The following ASS1 variants were observed in gnomAD, a reference collection of about 807,000 sequenced individuals.
ASS1 encodes argininosuccinate synthase 1, also known as argininosuccinate synthase.
ASS1 carries 58 observed loss-of-function variants against 60.5 expected under a neutral mutation model. The observed-to-expected ratio is 0.96, with a 90% confidence interval of 0.78 to 1.19. ASS1 has a LOEUF of 1.19. Among genes scored for constraint, ASS1 ranks in the 50% most tolerant of loss-of-function variants. The pLI, the probability that ASS1 is intolerant of heterozygous loss-of-function variation, is 0.00. For missense variants in ASS1, 454 were observed against 547.3 expected (o/e 0.83, Z 1.70); for synonymous variants, 200 against 206.9 (o/e 0.97, Z 0.29).
chr9:130,448,835 A>C (rs1383949636), intron 1 of ASS1, among the ~76,000 whole-genome samples: 1 of 152,100 alleles, frequency 6.6e-6, no homozygotes, highest in African/African-American at 2.4e-5. Context: ...AAGTGCTGGG[A>C]TTACAGGCAT....
At position 130,445,458 on chromosome 9, in the gene ASS1, G is replaced by A. The variant is rs545306911; in HGVS notation, c.-6+463G>A. On this transcript the variant is annotated intron_variant, in intron 1 of 14. Coordinates refer to ENST00000352480, the MANE Select transcript of ASS1 (RefSeq NM_054012.4). ...ACCTCTATTTCTCTGCGTAAAACCA[G>A]GAGTCCAGCCCCTCTGGGGCTTGGA... Among the ~76,000 whole-genome samples, 98 of 152,324 alleles carry A rather than the reference G, an allele frequency of 6.4e-4. 1 individual carries two copies. Among genetic ancestry groups the A allele is most frequent in the African/African-American group, 2.2e-3 (90 of 41,596 alleles).
rs1295409841 is a variant in ASS1 at position 130,476,737 on chromosome 9, G to T, written c.598-134G>T. ...GGTGCTAGGCTGAGGGCTGGGGACCGGGGGATCTGCCGGACCCCACCAGCT... is the reference window on the plus strand; with the variant it reads ...GGTGCTAGGCTGAGGGCTGGGGACCTGGGGATCTGCCGGACCCCACCAGCT... On this transcript the variant is annotated intron_variant, in intron 8 of 14. Coordinates refer to ENST00000352480, the MANE Select transcript of ASS1 (RefSeq NM_054012.4). This position sits in a 1 kb window ranked among gnomAD's most constrained non-coding sequence, Gnocchi z 4.9. 2.3e-6 allele frequency: 2 copies of T among 858,788 alleles called. No individual in the cohort carries two copies. Among genetic ancestry groups the T allele is most frequent in the Non-Finnish European group, 4.0e-6 (2 of 501,068 alleles). 53.2% of individuals were successfully genotyped at this position (858,788 alleles called of 1,614,324 possible). A position where few individuals can be genotyped will look rare whatever the true frequency, so the allele number is the denominator to read the frequency against.
At chr9:130,482,290 A>C (rs1215552386) in intron 11 of ASS1, among the ~76,000 whole-genome samples, 2 of 151,854 alleles carry the variant, frequency 1.3e-5, no homozygotes, top group African/African-American at 4.8e-5. Flanking sequence ...ATGGGGACAG[A>C]AGCAGCCCCC....
intron 1 of ASS1, chr9:130,452,009 G>C (rs150904366): frequency 1.5e-6 from 1 of 677,838 alleles, no homozygotes; most frequent in Admixed American, 2.0e-5. Context: ...CCAGGCCCCA[G>C]TGTGGTCTGT....
chr9:130,454,253 A>G, intron 2 of ASS1, 52 bp from the exon 3 acceptor site: 1 of 1,575,776 alleles, frequency 6.3e-7, no homozygotes, highest in Non-Finnish European at 8.7e-7. Context: ...GATGGTGTGA[A>G]CTCAGGGCTC....
intron 13 of ASS1, among the ~76,000 whole-genome samples, chr9:130,495,472 T>TACACAC (rs71499245): frequency 0.14 from 20,461 of 146,488 alleles, 1,674 homozygotes; most frequent in East Asian, 0.37. Flanking sequence ...CACATACATA[T>TACACAC]ACACACACAC....
Position 130,491,150 on chromosome 9 carries a change from C to T in ASS1, c.970+1686C>T, listed in dbSNP as rs1213875566. ...GGCGTTATTTCTCCCTGCCATTGTT[C>T]CTTGCAGCTTTGAAGCCAAGTTTCT... is the stretch of plus-strand genomic sequence containing the variant. On this transcript the variant is annotated intron_variant, in intron 12 of 14. Coordinates refer to ENST00000352480, the MANE Select transcript of ASS1 (RefSeq NM_054012.4). The surrounding 1 kb of genome is among the most constrained non-coding windows in gnomAD (Gnocchi z 5.3). 6.6e-6 allele frequency among the ~76,000 whole-genome samples: 1 copy of T among 152,198 alleles called. No individual in the cohort carries two copies. The highest frequency in any genetic ancestry group is 2.4e-5 in the African/African-American group (1 of 41,436).
At chr9:130,475,909 G>A (rs1384815910) in intron 8 of ASS1, among the ~76,000 whole-genome samples, 1 of 151,934 alleles carries the variant, frequency 6.6e-6, no homozygotes, top group Non-Finnish European at 1.5e-5. Context: ...GGCGCATGCC[G>A]CCATACCCGG....
intron 11 of ASS1, among the ~76,000 whole-genome samples, chr9:130,483,231 T>C (rs917661289): frequency 6.6e-6 from 1 of 151,986 alleles, no homozygotes; most frequent in Non-Finnish European, 1.5e-5. Flanking sequence ...GTCAATTATA[T>C]TGAGGGCAGA....
At chr9:130,451,333 C>T (rs1304690187) in intron 1 of ASS1, among the ~76,000 whole-genome samples, 1 of 152,186 alleles carries the variant, frequency 6.6e-6, no homozygotes, top group East Asian at 1.9e-4. Context: ...CCCATCTGTC[C>T]CCCCGGGAAG....
chr9:130,478,427 G>A lies in ASS1; in HGVS notation c.689-1289G>A, dbSNP rs919429547. ...GCACCAGGCTCTGGCAGCCCTGCCC[G>A]AGGACCAGGGCAGCTCCGCAGGCTG... On this transcript the variant is annotated intron_variant, in intron 9 of 14. Transcript: ENST00000352480. The surrounding 1 kb of genome is among the most constrained non-coding windows in gnomAD (Gnocchi z 4.7). Among the ~76,000 whole-genome samples, 12 of 152,282 alleles carry A rather than the reference G, an allele frequency of 7.9e-5. No individual in the cohort carries two copies. Among genetic ancestry groups the A allele is most frequent in the Admixed American group, 1.3e-4 (2 of 15,306 alleles).
intron 5 of ASS1, among the ~76,000 whole-genome samples, chr9:130,466,109 C>G (rs559978372): frequency 2.6e-5 from 4 of 152,206 alleles, no homozygotes; most frequent in Non-Finnish European, 4.4e-5. Context: ...TCTCCACCCC[C>G]ACACACACAT....
chr9:130,484,651 C>T (rs1300252855), intron 11 of ASS1, among the ~76,000 whole-genome samples: 2 of 152,100 alleles, frequency 1.3e-5, no homozygotes, highest in Admixed American at 1.3e-4. Context: ...TCTCTCTGCG[C>T]AGTGGTTTGT....
chr9:130,459,261 C>T lies in ASS1; in HGVS notation c.363+672C>T, dbSNP rs563609657. Among the ~76,000 whole-genome samples, 52 of 152,242 alleles carry T rather than the reference C, an allele frequency of 3.4e-4. 1 individual carries two copies. Among genetic ancestry groups the T allele is most frequent in the Admixed American group, 2.9e-3 (44 of 15,296 alleles). On this transcript the variant is annotated intron_variant, in intron 4 of 14. Transcript: ENST00000352480. This position sits in a 1 kb window ranked among gnomAD's most constrained non-coding sequence, Gnocchi z 4.6. ...TCCAGTGGCCTCTGGTGTCCCTTAG[C>T]GTGTGGCTGCGTCACTCCTGTCCTT...
intron 4 of ASS1, among the ~76,000 whole-genome samples, chr9:130,460,792 G>A (rs1410737961): frequency 6.6e-6 from 1 of 152,166 alleles, no homozygotes; most frequent in East Asian, 1.9e-4. Flanking sequence ...CTACCCCAGC[G>A]AGATGCTGGG....
At chr9:130,486,699 C>T (rs904307665) in intron 11 of ASS1, among the ~76,000 whole-genome samples, 6 of 152,154 alleles carry the variant, frequency 3.9e-5, no homozygotes, top group African/African-American at 1.2e-4. Context: ...ACCAATGAAG[C>T]GGGATGGGCT....
intron 11 of ASS1, among the ~76,000 whole-genome samples, chr9:130,483,750 C>G (rs1309160694): frequency 1.3e-5 from 2 of 151,910 alleles, no homozygotes; most frequent in African/African-American, 4.8e-5. Flanking sequence ...TGCTCCTCCT[C>G]CTTGCCTTCC....
rs2118832404 is a variant in ASS1, at chr9:130,476,963, T to C, written c.688+2T>C. On this transcript the variant is annotated splice_donor_variant, in intron 9 of 14. Coordinates refer to ENST00000352480, the MANE Select transcript of ASS1 (RefSeq NM_054012.4). LOFTEE classifies it high-confidence loss of function. The surrounding 1 kb of genome is among the most constrained non-coding windows in gnomAD (Gnocchi z 4.9). ...TTCTCGAGATCGAGTTCAAAAAAGG[T>C]ATGTGCCCACCTGTTGGGACTCGAA... 1 of 1,613,432 alleles carries C rather than the reference T, an allele frequency of 6.2e-7. No individual in the cohort carries two copies. The highest frequency in any genetic ancestry group is 8.5e-7 in the Non-Finnish European group (1 of 1,179,502).
rs377377717 is a variant in ASS1 at position 130,458,610 on chromosome 9, C to G, written c.363+21C>G. 226 of 1,608,968 alleles carry G rather than the reference C, an allele frequency of 1.4e-4. No individual in the cohort carries two copies. In the African/African-American group the frequency reaches 2.6e-3, roughly 19 times the overall value. On this transcript the variant is annotated intron_variant, in intron 4 of 14. Transcript: ENST00000352480. ...GAAAGGTGAGGCACCTGGGAAGGGC[C>G]GGGCAGAGGGAGATGGAGGCGGAGG...
Sources: allele counts gnomAD v4.1 joint callset (sites outside exome capture counted in the v4.1 genomes callset), GRCh38; gene constraint gnomAD v4.1.1; non-coding constraint Gnocchi (gnomAD v3.1); transcripts MANE v1.5; gene names NCBI Gene and HGNC (gene_info 2026-07-23, HGNC 2026-07-21).